FRAS1: variants seen among roughly 807,000 people sequenced by gnomAD.
FRAS1 encodes the protein Fraser extracellular matrix complex subunit 1, also known as extracellular matrix organizing protein FRAS1.
In FRAS1, 290 loss-of-function variants were observed where a neutral mutation model predicts 435.2. The observed-to-expected ratio is 0.67, with a 90% CI of 0.61 to 0.73. The LOEUF is 0.73. Ranked by LOEUF, FRAS1 falls within the 30% of genes least tolerant of loss-of-function variation. The pLI, the probability that FRAS1 is intolerant of heterozygous loss-of-function variation, is 0.00. For synonymous variants in FRAS1, 1,800 were observed against 1,851.0 expected (o/e 0.97, Z 0.71); for missense variants, 4,860 against 5,001.5 (o/e 0.97, Z 0.85).
At chr4:78,198,010 C>G (rs1722888865) in intron 2 of FRAS1, among the ~76,000 whole-genome samples, 1 of 151,862 alleles carries the variant, frequency 6.6e-6, no homozygotes, top group African/African-American at 2.4e-5. Flanking sequence ...GCTTTTTATG[C>G]TTTCCTTCAT....
chr4:78,370,570 A>G (rs1295482199), intron 23 of FRAS1, among the ~76,000 whole-genome samples: 4 of 152,110 alleles, frequency 2.6e-5, no homozygotes, highest in South Asian at 2.1e-4. Context: ...CACAAGGCCT[A>G]TTCTGAAGAT....
chr4:78,264,718 G>A (rs1055143696), intron 6 of FRAS1, among the ~76,000 whole-genome samples: 3 of 152,110 alleles, frequency 2.0e-5, no homozygotes, highest in South Asian at 2.1e-4. Context: ...TACTCATAGG[G>A]TCATGTGAAG....
chr4:78,427,520 A>C lies in FRAS1; in HGVS notation c.4712-1575A>C, dbSNP rs114526956. Among the ~76,000 whole-genome samples the C allele has an allele frequency of 7.4e-4, 112 of 152,362 alleles. 1 individual carries two copies. Among genetic ancestry groups the C allele is most frequent in the African/African-American group, 2.5e-3 (106 of 41,580 alleles). Reference sequence around the variant, plus strand: ...CTAGTTCTTATCTTAGATTACAGAGACATCAGAGCATCCTGAATCCACTAA... The same window carrying C: ...CTAGTTCTTATCTTAGATTACAGAGCCATCAGAGCATCCTGAATCCACTAA... On this transcript the variant is annotated intron_variant, in intron 35 of 73. Coordinates refer to ENST00000512123, the MANE Select transcript of FRAS1 (RefSeq NM_025074.7).
In FRAS1 at chr4:78,174,045, T is replaced by C. The variant is rs560795682; in HGVS notation, c.109-63465T>C. 3.9e-5 allele frequency among the ~76,000 whole-genome samples: 6 copies of C among 152,330 alleles called. No individual in the cohort carries two copies. In the South Asian group the frequency reaches 1.2e-3, roughly 32 times the overall value. On this transcript the variant is annotated intron_variant, in intron 2 of 73. Transcript: ENST00000512123. ...GCCACGTCCCTTGGTGTCTCCTCTG[T>C]CTCCCGTGTTTCAACTGAACACACA...
rs558819272 is a variant in FRAS1 at position 78,507,287 on chromosome 4, C to T, written c.9317-134C>T. 4 of 759,678 alleles carry T rather than the reference C, an allele frequency of 5.3e-6. No homozygotes were observed. The African/African-American group carries it at 5.4e-5, about 10-fold the overall frequency. 47.1% of individuals were successfully genotyped at this position (759,678 alleles called of 1,614,324 possible). A position where few individuals can be genotyped will look rare whatever the true frequency, so the allele number is the denominator to read the frequency against. ...AGATGGGGCTAAAGTGATTAGCAGC[C>T]ACTGCGTTTATAGAACACCACTAAA... On this transcript the variant is annotated intron_variant, in intron 61 of 73. Transcript: ENST00000512123.
intron 27 of FRAS1, among the ~76,000 whole-genome samples, chr4:78,381,071 G>A (rs934271884): frequency 6.6e-6 from 1 of 152,184 alleles, no homozygotes. Context: ...CTCAACATGT[G>A]TGTGCAGAGC....
chr4:78,249,323 CTT>C (rs11308579), intron 4 of FRAS1, among the ~76,000 whole-genome samples: 981 of 47,206 alleles, frequency 0.021, 11 homozygotes, highest in African/African-American at 0.066. Context: ...GCAGTGGAGC[CTT>C]TTTTTTTTTT....
intron 61 of FRAS1, among the ~76,000 whole-genome samples, chr4:78,505,220 T>C (rs62310264): frequency 0.69 from 104,604 of 151,886 alleles, 36,613 homozygotes; most frequent in African/African-American, 0.82. Flanking sequence ...TTGCTCTTCT[T>C]GAGGAGTACC....
chr4:78,316,121 A>G (rs1729235721), intron 16 of FRAS1, among the ~76,000 whole-genome samples: 1 of 152,240 alleles, frequency 6.6e-6, no homozygotes, highest in African/African-American at 2.4e-5. Flanking sequence ...AAATAAAATT[A>G]AAAAGTTAAA....
At position 78,450,214 on chromosome 4, in the gene FRAS1, A is replaced by G. The variant is rs559321697; in HGVS notation, c.6338A>G (p.Gln2113Arg). ...ACAGATATTGACTCAGATGACCATC[A>G]GGTTATGTACATCATGAAGGAAGAT... ...KVTDIDSDDH[Q>R]VMYIMKEDPG... Residue 2113 changes from glutamine (Q) to arginine (R), a missense_variant, in exon 45 of 74, where the codon CAG (glutamine) becomes CGG (arginine). Physicochemically the swap from Gln to Arg is conservative, Grantham distance 43. Transcript: ENST00000512123. 1 of 1,613,826 alleles carries G rather than the reference A, an allele frequency of 6.2e-7. No homozygotes were observed. The highest frequency in any genetic ancestry group is 1.1e-5 in the South Asian group (1 of 91,068).
chr4:78,321,784 C>T (rs1194803275), intron 18 of FRAS1, among the ~76,000 whole-genome samples: 1 of 142,352 alleles, frequency 7.0e-6, no homozygotes, highest in African/African-American at 2.7e-5. Flanking sequence ...GCGGGGGTTA[C>T]AGTGAGCTGA....
chr4:78,429,882 T>C (rs1271316712), intron 36 of FRAS1, among the ~76,000 whole-genome samples: 1 of 152,190 alleles, frequency 6.6e-6, no homozygotes, highest in African/African-American at 2.4e-5. Flanking sequence ...ACCTTTGTGA[T>C]CATTGCTCAC....
At chr4:78,290,616 A>G (rs1263128073) in intron 14 of FRAS1, among the ~76,000 whole-genome samples, 1 of 151,752 alleles carries the variant, frequency 6.6e-6, no homozygotes, top group Non-Finnish European at 1.5e-5. Context: ...ATGCCTGGCT[A>G]ATTTTTGTAT....
At chr4:78,358,057 G>T (rs2110289364) in intron 20 of FRAS1, among the ~76,000 whole-genome samples, 1 of 152,142 alleles carries the variant, frequency 6.6e-6, no homozygotes, top group Non-Finnish European at 1.5e-5. Context: ...GATGAGGAAG[G>T]AACTCACTGA....
chr4:78,242,867 A>C (rs1278873211), intron 3 of FRAS1, among the ~76,000 whole-genome samples: 1 of 152,252 alleles, frequency 6.6e-6, no homozygotes, highest in Non-Finnish European at 1.5e-5. Flanking sequence ...ATCATCTGTC[A>C]TTTATCCATT....
At chr4:78,470,146 T>A (rs1173913710) in intron 51 of FRAS1, 55 bp downstream of exon 51, 1 of 1,109,672 alleles carries the variant, frequency 9.0e-7, no homozygotes, top group African/African-American at 1.5e-5. Context: ...TACATCCTTC[T>A]TCACGACAAT....
Position 78,333,331 on chromosome 4 carries a change from G to A in FRAS1, c.2197G>A (p.Gly733Arg). The A allele has an allele frequency of 3.1e-6, 5 of 1,612,560 alleles. No homozygotes were observed. The highest frequency in any genetic ancestry group is 4.2e-6 in the Non-Finnish European group (5 of 1,179,348). The change falls in exon 19 of 74, where the codon GGG (glycine) becomes AGG (arginine). Residue 733 changes from glycine (G) to arginine (R), a missense_variant. By Grantham distance (125) the Gly-to-Arg change is moderately radical (BLOSUM62 -2). Transcript: ENST00000512123. ...GKSPHNCTDC[G>R]PSHVLLDGQC... ...AAGCCCACATAACTGCACAGACTGTGGGCCTTCCCATGTGCTGTTGGATGG... is the reference window on the plus strand; with the variant it reads ...AAGCCCACATAACTGCACAGACTGTAGGCCTTCCCATGTGCTGTTGGATGG...
chr4:78,470,718 C>A (rs1307670034), intron 51 of FRAS1, among the ~76,000 whole-genome samples: 1 of 152,088 alleles, frequency 6.6e-6, no homozygotes, highest in Non-Finnish European at 1.5e-5. Context: ...AAGTACTATG[C>A]CATTTTGTAT....
chr4:78,410,550 T>A (rs2110357022), intron 31 of FRAS1, among the ~76,000 whole-genome samples: 1 of 152,304 alleles, frequency 6.6e-6, no homozygotes, highest in East Asian at 1.9e-4. Flanking sequence ...TTGCTCAAAA[T>A]GTGTTTAGAA....
Sources: gnomAD v4.1 joint callset for allele counts (sites outside exome capture counted in the v4.1 genomes callset) on GRCh38, gnomAD v4.1.1 for gene constraint, MANE v1.5 for transcripts, NCBI Gene and HGNC (gene_info 2026-07-23, HGNC 2026-07-21) for gene names.